The following MROH7 variants were observed in gnomAD, a reference collection of about 807,000 sequenced individuals.
MROH7 encodes maestro heat-like repeat-containing protein family member 7.
Under a neutral mutation model 129.2 loss-of-function variants are expected in MROH7, and 113 were observed. The ratio of observed to expected loss-of-function variants is 0.87; its 90% confidence interval spans 0.75 to 1.02. The LOEUF (loss-of-function observed/expected upper bound fraction) is 1.02, where lower values mean the gene tolerates loss of function less well. Ranked by LOEUF, MROH7 falls within the 50% of genes least tolerant of loss-of-function variation. The pLI is 0.00. For missense variants in MROH7, 1,601 were observed against 1,671.3 expected (o/e 0.96, Z 0.73); for synonymous variants, 655 against 667.9 (o/e 0.98, Z 0.30).
At chr1:54,697,588 A>G in intron 17 of MROH7, 1 of 653,828 alleles carries the variant, frequency 1.5e-6, no homozygotes, top group Non-Finnish European at 2.8e-6. Context: ...CATTACTTAC[A>G]GGCCTACTAT....
intron 3 of MROH7, among the ~76,000 whole-genome samples, chr1:54,660,463 C>G (rs1299455556): frequency 2.0e-5 from 3 of 152,208 alleles, no homozygotes; most frequent in Non-Finnish European, 4.4e-5. Flanking sequence ...CTTCCACAAA[C>G]AATGTGAGTT....
At chr1:54,652,758 T>C (rs1644576639) in intron 2 of MROH7, 95 bp from the exon 3 acceptor site, 1 of 900,152 alleles carries the variant, frequency 1.1e-6, no homozygotes, top group South Asian at 2.1e-5. Flanking sequence ...GCCTTGTAAG[T>C]CACAGCAAGG....
At chr1:54,701,021 T>C in intron 18 of MROH7, 122 bp from the exon 19 acceptor site, 5 of 1,081,654 alleles carry the variant, frequency 4.6e-6, no homozygotes, top group Non-Finnish European at 6.7e-6. Flanking sequence ...TGGGATGGCA[T>C]AGGCCAAGGC....
At chr1:54,698,821 T>G (rs1645364307) in intron 17 of MROH7, 1 of 151,522 alleles carries the variant, frequency 6.6e-6, no homozygotes. Flanking sequence ...TGGACGGCGT[T>G]TCATTCTTGT....
At position 54,655,109 on chromosome 1, in the gene MROH7, G is replaced by A. The variant is rs568553480; in HGVS notation, c.1231+952G>A. Among the ~76,000 whole-genome samples the A allele has an allele frequency of 5.9e-5, 9 of 151,408 alleles. No individual in the cohort carries two copies. In the South Asian group the frequency reaches 1.9e-3, roughly 32 times the overall value. ...GGCTCACTGTAACCTCTGCCTCCTG[G>A]GTTCAAGTGATTCTCCTGCCTCAGC... On this transcript the variant is annotated intron_variant, in intron 3 of 23. Transcript: ENST00000421030.
chr1:54,652,416 C>A (rs1644571995), intron 2 of MROH7, among the ~76,000 whole-genome samples: 1 of 151,984 alleles, frequency 6.6e-6, no homozygotes, highest in African/African-American at 2.4e-5. Flanking sequence ...TGTAAGCTTC[C>A]AACTGTGTAA....
chr1:54,657,283 TC>T (rs1208131046), intron 3 of MROH7, among the ~76,000 whole-genome samples: 1 of 151,402 alleles, frequency 6.6e-6, no homozygotes, highest in African/African-American at 2.4e-5. Flanking sequence ...ACTTCTGGGC[TC>T]AAGTGATCCA....
intron 4 of MROH7, among the ~76,000 whole-genome samples, chr1:54,667,459 A>AT (rs35832047): frequency 0.32 from 46,980 of 147,830 alleles, 7,556 homozygotes; most frequent in South Asian, 0.52. Context: ...AGTGTTTACA[A>AT]TTTTTTTTTT....
intron 1 of MROH7, among the ~76,000 whole-genome samples, chr1:54,651,059 C>A (rs1644546958): frequency 6.6e-6 from 1 of 152,126 alleles, no homozygotes; most frequent in Non-Finnish European, 1.5e-5. Flanking sequence ...TTTTCTCTTC[C>A]CCAGCTCTCT....
intron 1 of MROH7, among the ~76,000 whole-genome samples, chr1:54,650,721 T>G (rs377144542): frequency 6.7e-5 from 10 of 148,750 alleles, no homozygotes; most frequent in Admixed American, 5.3e-4. Flanking sequence ...TTGATCGCCA[T>G]CCCGATTTTT....
At chr1:54,654,670 T>C (rs1644613721) in intron 3 of MROH7, among the ~76,000 whole-genome samples, 1 of 132,928 alleles carries the variant, frequency 7.5e-6, no homozygotes, top group African/African-American at 2.8e-5. Flanking sequence ...CAAAACTCCG[T>C]CTCAAAAAAG....
In MROH7 at chr1:54,710,219, G is replaced by C; in HGVS notation, c.*32G>C. ...TGAGCCCCAAACCCTCCTCAGGGTG[G>C]TTGAGTTCCAGCCATGCTCCCTATA... On this transcript the variant is annotated 3_prime_UTR_variant, in exon 24 of 24. Transcript: ENST00000421030. 1.9e-6 allele frequency: 3 copies of C among 1,600,576 alleles called. No homozygotes were observed. The highest frequency in any genetic ancestry group is 2.2e-5 in the South Asian group (2 of 90,902).
rs750287729 is a variant in MROH7, at chr1:54,673,132, C to T, written c.1641C>T (p.Leu547=). Residue 547 remains leucine (L), a synonymous_variant, in exon 8 of 24, where the codon CTC becomes CTT. Coordinates refer to ENST00000421030, the MANE Select transcript of MROH7 (RefSeq NM_001039464.4). ...CCCTGGAGGCCCTGCAGACACTGCT[C>T]AAAGCCCTCTTTATCGAGGACCCCA... ...HQTLEALQTL[L]KALFIEDPTP... is the part of the protein sequence containing the mutation. 5.0e-6 allele frequency: 8 copies of T among 1,613,944 alleles called. No homozygotes were observed. Among genetic ancestry groups the T allele is most frequent in the South Asian group, 1.1e-5 (1 of 91,056 alleles).
chr1:54,701,086 T>C (rs1645427301), intron 18 of MROH7, 57 bp from the exon 19 acceptor site: 2 of 1,571,334 alleles, frequency 1.3e-6, no homozygotes, highest in Non-Finnish European at 1.7e-6. Context: ...AGGCTGGGTC[T>C]CTTCCTACTT....
At chr1:54,671,601 A>G (rs1273949011) in intron 7 of MROH7, among the ~76,000 whole-genome samples, 1 of 152,202 alleles carries the variant, frequency 6.6e-6, no homozygotes, top group Admixed American at 6.5e-5. Flanking sequence ...TCATGCGAGC[A>G]TCTTCAAACC....
intron 1 of MROH7, among the ~76,000 whole-genome samples, chr1:54,642,819 T>C (rs1036340977): frequency 6.6e-6 from 1 of 152,104 alleles, no homozygotes; most frequent in Admixed American, 6.6e-5. Context: ...TTTGCCATGT[T>C]GTTCAGGCTG....
At chr1:54,691,471 T>C (rs1476597460) in intron 15 of MROH7, among the ~76,000 whole-genome samples, 1 of 152,208 alleles carries the variant, frequency 6.6e-6, no homozygotes, top group Non-Finnish European at 1.5e-5. Context: ...TTTGTTTAAA[T>C]GTAAGCTTTA....
chr1:54,677,463 G>A (rs1645000760), intron 10 of MROH7, among the ~76,000 whole-genome samples: 1 of 152,148 alleles, frequency 6.6e-6, no homozygotes, highest in Admixed American at 6.5e-5. Context: ...CCGAAGTGTG[G>A]GGACTACAGG....
intron 1 of MROH7, among the ~76,000 whole-genome samples, chr1:54,642,382 G>A (rs1030667228): frequency 3.3e-5 from 5 of 152,170 alleles, no homozygotes; most frequent in African/African-American, 1.2e-4. Context: ...CAAAGCCTTG[G>A]ATGTTGGCAT....
Sources: gnomAD v4.1 joint callset for allele counts (sites outside exome capture counted in the v4.1 genomes callset) on GRCh38, gnomAD v4.1.1 for gene constraint, MANE v1.5 for transcripts, NCBI Gene and HGNC (gene_info 2026-07-23, HGNC 2026-07-21) for gene names.